The following CRMP1 variants were observed in gnomAD, a reference collection of about 807,000 sequenced individuals.
The protein encoded by CRMP1 is collapsin response mediator protein 1.
Under a neutral mutation model 68.3 loss-of-function variants are expected in CRMP1, and 19 were observed. The observed-to-expected ratio is 0.28, with a 90% CI of 0.19 to 0.41. CRMP1 has a LOEUF of 0.41. Ranked by LOEUF, CRMP1 falls within the 10% of genes least tolerant of loss-of-function variation. The pLI is 1.00. For missense variants in CRMP1, 791 were observed against 967.4 expected (o/e 0.82, Z 2.42); for synonymous variants, 439 against 399.6 (o/e 1.10, Z -1.18).
intron 11 of CRMP1, among the ~76,000 whole-genome samples, chr4:5,831,373 G>T (rs1292357895): frequency 7.9e-5 from 12 of 152,148 alleles, no homozygotes; most frequent in Non-Finnish European, 2.9e-5. Context: ...GGTGTTTGAT[G>T]ATTTTTAGGT....
chr4:5,887,633 G>A (rs1281784441), intron 1 of CRMP1: 5 of 985,422 alleles, frequency 5.1e-6, no homozygotes, highest in East Asian at 1.1e-4. Context: ...TTCCCGGGCC[G>A]CAGCCGCCAG....
At chr4:5,822,427 G>GTGTGCA (rs201896949) in intron 13 of CRMP1, among the ~76,000 whole-genome samples, 5 of 151,134 alleles carry the variant, frequency 3.3e-5, no homozygotes, top group African/African-American at 1.2e-4. Context: ...GTGCATATGT[G>GTGTGCA]TGTGCATGTG....
At chr4:5,827,122 C>T (rs188482299) in intron 12 of CRMP1, among the ~76,000 whole-genome samples, 3 of 152,310 alleles carry the variant, frequency 2.0e-5, no homozygotes, top group South Asian at 2.1e-4. Flanking sequence ...TGGGACCCCC[C>T]GATCCTATTG....
intron 5 of CRMP1, 74 bp downstream of exon 5, chr4:5,851,334 G>C (rs1712600335): frequency 1.5e-6 from 2 of 1,348,202 alleles, no homozygotes. Flanking sequence ...CCCTTGCCCT[G>C]TGCTGCCTGG....
At chr4:5,864,733 C>G (rs573260728) in intron 2 of CRMP1, among the ~76,000 whole-genome samples, 10 of 152,032 alleles carry the variant, frequency 6.6e-5, no homozygotes, top group Non-Finnish European at 1.5e-4. Context: ...GCAGGGCCCA[C>G]AAGGACAAAT....
intron 9 of CRMP1, 29 bp downstream of exon 9, chr4:5,839,493 C>T (rs575497388): frequency 1.3e-6 from 2 of 1,584,354 alleles, no homozygotes; most frequent in East Asian, 2.3e-5. Context: ...CAGCTGCCTC[C>T]CCCAGCCCCA....
intron 2 of CRMP1, among the ~76,000 whole-genome samples, chr4:5,863,595 T>G (rs927079658): frequency 3.3e-5 from 5 of 152,124 alleles, no homozygotes; most frequent in African/African-American, 1.2e-4. Flanking sequence ...CTCAGCTCAG[T>G]GAATGAGACA....
chr4:5,836,746 A>T lies in CRMP1; in HGVS notation c.1452+19T>A. 6.2e-7 allele frequency: 1 copy of T among 1,614,038 alleles called. No homozygotes were observed. Among genetic ancestry groups the T allele is most frequent in the Non-Finnish European group, 8.5e-7 (1 of 1,179,936 alleles). Reference sequence around the variant, plus strand: ...GTAGAGTGTTTCTAGAATGCTCCTGAGAAGAGATCCAGCCTTACCACCGCC... The same window carrying T: ...GTAGAGTGTTTCTAGAATGCTCCTGTGAAGAGATCCAGCCTTACCACCGCC... On this transcript the variant is annotated intron_variant, in intron 10 of 13. Transcript: ENST00000324989.
rs1299426160 is a variant in CRMP1 at position 5,893,070 on chromosome 4, G to T, written c.-101C>A. 4 of 835,096 alleles carry T rather than the reference G, an allele frequency of 4.8e-6. No individual in the cohort carries two copies. The highest frequency in any genetic ancestry group is 5.9e-4 in the Middle Eastern group (1 of 1,694). The allele number at this position is 835,096 out of a possible 1,614,324, so 51.7% of individuals were successfully genotyped here. A position where few individuals can be genotyped will look rare whatever the true frequency, so the allele number is the denominator to read the frequency against. On this transcript the variant is annotated 5_prime_UTR_variant, in exon 1 of 14. Coordinates refer to ENST00000324989, the MANE Select transcript of CRMP1 (RefSeq NM_001014809.3). Reference sequence around the variant, plus strand: ...CCGCGCCTCGGTGCGGGCCTGCGGCGGCCCGGGCGCGACTGCGGCCCAGGG... The same window carrying T: ...CCGCGCCTCGGTGCGGGCCTGCGGCTGCCCGGGCGCGACTGCGGCCCAGGG...
chr4:5,842,952 G>T lies in CRMP1; in HGVS notation c.1032+141C>A. ...GCCAGCAGTCCCCAGGGTTCCCGGGGAAAACAAGATGGTTTGGGATGGTCT... is the reference window on the plus strand; with the variant it reads ...GCCAGCAGTCCCCAGGGTTCCCGGGTAAAACAAGATGGTTTGGGATGGTCT... On this transcript the variant is annotated intron_variant, in intron 7 of 13. Coordinates refer to ENST00000324989, the MANE Select transcript of CRMP1 (RefSeq NM_001014809.3). This position sits in a 1 kb window ranked among gnomAD's most constrained non-coding sequence, Gnocchi z 4.5. 1 of 784,578 alleles carries T rather than the reference G, an allele frequency of 1.3e-6. No individual in the cohort carries two copies. Among genetic ancestry groups the T allele is most frequent in the Non-Finnish European group, 2.1e-6 (1 of 468,412 alleles). 48.6% of individuals were successfully genotyped at this position (784,578 alleles called of 1,614,324 possible). A position where few individuals can be genotyped will look rare whatever the true frequency, so the allele number is the denominator to read the frequency against.
In CRMP1 at chr4:5,859,257, C is replaced by T. The variant is rs964895909; in HGVS notation, c.655+1769G>A. ...TTTCAGAGCCCTGGACTGTTGTCCTCGTGTGCTTTCATAGGCTCTTGTTCC... is the reference window on the plus strand; with the variant it reads ...TTTCAGAGCCCTGGACTGTTGTCCTTGTGTGCTTTCATAGGCTCTTGTTCC... On this transcript the variant is annotated intron_variant, in intron 3 of 13. Transcript: ENST00000324989. This position sits in a 1 kb window ranked among gnomAD's most constrained non-coding sequence, Gnocchi z 5.2. 6.6e-6 allele frequency among the ~76,000 whole-genome samples: 1 copy of T among 152,154 alleles called. No homozygotes were observed. The highest frequency in any genetic ancestry group is 2.1e-4 in the South Asian group (1 of 4,820).
Position 5,843,204 on chromosome 4 carries a change from G to A in CRMP1, c.964-43C>T, listed in dbSNP as rs1488854790. The A allele has an allele frequency of 3.1e-6, 5 of 1,606,108 alleles. No individual in the cohort carries two copies. The highest frequency in any genetic ancestry group is 1.7e-5 in the Admixed American group (1 of 60,012). On this transcript the variant is annotated intron_variant, in intron 6 of 13. Coordinates refer to ENST00000324989, the MANE Select transcript of CRMP1 (RefSeq NM_001014809.3). This position sits in a 1 kb window ranked among gnomAD's most constrained non-coding sequence, Gnocchi z 4.1. ...GTGAGTTAACGATTAGAGGGTGTCA[G>A]AGCTGGGAGAAGTGACTCCTCCAAC...
chr4:5,887,520 G>A (rs370934862), intron 1 of CRMP1: 7 of 984,858 alleles, frequency 7.1e-6, no homozygotes, highest in Middle Eastern at 5.2e-4. Context: ...GCGTAAAGAC[G>A]GGGATTCCTT....
At chr4:5,887,638 C>A in intron 1 of CRMP1, 1 of 985,564 alleles carries the variant, frequency 1.0e-6, no homozygotes, top group Middle Eastern at 5.2e-4. Context: ...GGGCCGCAGC[C>A]GCCAGCGTCG....
intron 4 of CRMP1, 32 bp downstream of exon 4, chr4:5,856,111 C>T: frequency 6.2e-7 from 1 of 1,610,238 alleles, no homozygotes; most frequent in Non-Finnish European, 8.5e-7. Flanking sequence ...ACAAGGGATT[C>T]CCCAAAACCC....
chr4:5,854,963 A>G lies in CRMP1; in HGVS notation c.820+1180T>C, dbSNP rs1043443037. On this transcript the variant is annotated intron_variant, in intron 4 of 13. Coordinates refer to ENST00000324989, the MANE Select transcript of CRMP1 (RefSeq NM_001014809.3). The surrounding 1 kb of genome is among the most constrained non-coding windows in gnomAD (Gnocchi z 4.0). The stretch of plus-strand genomic sequence containing the variant: ...AGATGTTCACCGTAACAGGATTTAT[A>G]ATAAAACGAATAGAAAGCATAAATG... Among the ~76,000 whole-genome samples, 1 of 152,260 alleles carries G rather than the reference A, an allele frequency of 6.6e-6. No homozygotes were observed. The highest frequency in any genetic ancestry group is 1.5e-5 in the Non-Finnish European group (1 of 68,046).
intron 3 of CRMP1, among the ~76,000 whole-genome samples, chr4:5,856,620 C>T (rs1339989143): frequency 6.6e-6 from 1 of 150,694 alleles, no homozygotes; most frequent in Middle Eastern, 3.3e-3. Context: ...ACCATGACCG[C>T]CACTATCATC....
chr4:5,880,176 T>A (rs997259792), intron 1 of CRMP1, among the ~76,000 whole-genome samples: 14 of 152,070 alleles, frequency 9.2e-5, no homozygotes, highest in African/African-American at 2.9e-4. Flanking sequence ...TCATTGGAGG[T>A]ATGCAGAGAA....
intron 11 of CRMP1, among the ~76,000 whole-genome samples, chr4:5,829,428 ATTC>A (rs973962038): frequency 3.3e-5 from 5 of 152,220 alleles, no homozygotes; most frequent in African/African-American, 9.6e-5. Context: ...TCTTTCCATT[ATTC>A]TTCAAGTGAA....
Sources: gnomAD v4.1 joint callset for allele counts (sites outside exome capture counted in the v4.1 genomes callset) on GRCh38, gnomAD v4.1.1 for gene constraint, Gnocchi (gnomAD v3.1) non-coding constraint, MANE v1.5 for transcripts, NCBI Gene and HGNC (gene_info 2026-07-23, HGNC 2026-07-21) for gene names.